Variants in SERPINA6 observed in about 807,000 individuals in gnomAD.
SERPINA6 encodes the protein corticosteroid-binding globulin.
In SERPINA6, 19 loss-of-function variants were observed where a neutral mutation model predicts 26.4. The observed-to-expected ratio is 0.72, with a 90% CI of 0.50 to 1.06. SERPINA6 has a LOEUF of 1.06. Ranked by LOEUF, SERPINA6 falls within the 50% of genes least tolerant of loss-of-function variation. The pLI is 0.00. For missense variants in SERPINA6, 473 were observed against 504.0 expected, an observed-to-expected ratio of 0.94 and a Z score of 0.59; for synonymous variants, 196 against 199.4, an observed-to-expected ratio of 0.98 and a Z score of 0.14.
intron 1 of SERPINA6, chr14:94,314,906 T>G (rs1306292509): frequency 6.8e-6 from 4 of 585,184 alleles, no homozygotes; most frequent in Non-Finnish European, 1.2e-5. Flanking sequence ...ATCTAGGTAG[T>G]CTGGCTATAT....
rs369290168 is a variant in SERPINA6 at position 94,306,070 on chromosome 14, C to T, written c.1032+1G>A. ...AAAAGGTGGGTTCCCATGACATTTA[C>T]CTTTGATGACTTCAGCTGGGCGTCC... On this transcript the variant is annotated splice_donor_variant, in intron 4 of 4. Transcript: ENST00000341584. LOFTEE classifies it high-confidence loss of function. 1.3e-5 allele frequency: 21 copies of T among 1,614,030 alleles called. No homozygotes were observed. In the African/African-American group the frequency reaches 2.8e-4, roughly 22 times the overall value.
Position 94,306,432 on chromosome 14 carries a change from GGCCTCTGAATT to G in SERPINA6, c.885-225_885-215del, listed in dbSNP as rs529039704. 1.5e-3 allele frequency among the ~76,000 whole-genome samples: 222 copies of G among 152,308 alleles called. 1 individual carries two copies. Among genetic ancestry groups the G allele is most frequent in the Non-Finnish European group, 2.4e-4 (16 of 68,028 alleles). The stretch of plus-strand genomic sequence containing the variant: ...CATGACACAGGCAGCTTTCCCACGG[GGCCTCTGAATT>G]GCACATTCTTTTCTTCTCTGCAATT... On this transcript the variant is annotated intron_variant, in intron 3 of 4. Coordinates refer to ENST00000341584, the MANE Select transcript of SERPINA6 (RefSeq NM_001756.4).
rs749558300 is a variant in SERPINA6, at chr14:94,306,063, A to C, written c.1032+8T>G. 6.2e-7 allele frequency: 1 copy of C among 1,614,192 alleles called. No homozygotes were observed. Among genetic ancestry groups the C allele is most frequent in the Non-Finnish European group, 8.5e-7 (1 of 1,180,030 alleles). On this transcript the variant is annotated splice_region_variant and intron_variant, in intron 4 of 4. Coordinates refer to ENST00000341584, the MANE Select transcript of SERPINA6 (RefSeq NM_001756.4). ...GGGGAAGAAAAGGTGGGTTCCCATG[A>C]CATTTACCTTTGATGACTTCAGCTG...
At chr14:94,316,940 C>T (rs1895622538) in intron 1 of SERPINA6, among the ~76,000 whole-genome samples, 1 of 152,162 alleles carries the variant, frequency 6.6e-6, no homozygotes, top group Non-Finnish European at 1.5e-5. Context: ...CCATTGGCTC[C>T]TCCGGTTGTC....
chr14:94,307,636 G>T (rs929557286), intron 3 of SERPINA6, among the ~76,000 whole-genome samples: 3 of 152,188 alleles, frequency 2.0e-5, no homozygotes, highest in Non-Finnish European at 4.4e-5. Context: ...GTTTTCTTTG[G>T]TGGGTAGAAA....
Position 94,304,537 on chromosome 14 carries a change from T to C in SERPINA6, c.1099A>G (p.Thr367Ala). The change falls in exon 5 of 5, where the codon ACC (threonine) becomes GCC (alanine). Residue 367 changes from threonine to alanine, a missense_variant. By Grantham distance (58) the Thr-to-Ala change is moderately conservative. Transcript: ENST00000341584. ...ATAGGCTTGGACGTCAGGTTTAGGG[T>C]GACCCCAGTGGAGCCAGCTGTGTCC... Reference protein sequence around the residue: ...GVDTAGSTGVTLNLTSKPIIL... With the variant: ...GVDTAGSTGVALNLTSKPIIL... 6.2e-7 allele frequency: 1 copy of C among 1,614,152 alleles called. No homozygotes were observed. Among genetic ancestry groups the C allele is most frequent in the Non-Finnish European group, 8.5e-7 (1 of 1,180,016 alleles).
At chr14:94,309,174 T>G (rs1895486756) in intron 3 of SERPINA6, among the ~76,000 whole-genome samples, 1 of 152,248 alleles carries the variant, frequency 6.6e-6, no homozygotes, top group African/African-American at 2.4e-5. Context: ...GCCCTTGCTT[T>G]CTTTCTACTT....
Position 94,304,299 on chromosome 14 carries a change from T to C in SERPINA6, c.*119A>G. On this transcript the variant is annotated 3_prime_UTR_variant, in exon 5 of 5. Transcript: ENST00000341584. ...AGATGCCTAAAGTTAGACACAACTC[T>C]GGTTGGAGGGAGAAGAACTTGGAGG... is the stretch of plus-strand genomic sequence containing the variant. 1 of 980,516 alleles carries C rather than the reference T, an allele frequency of 1.0e-6. No individual in the cohort carries two copies. Among genetic ancestry groups the C allele is most frequent in the Non-Finnish European group, 1.6e-6 (1 of 606,318 alleles). 60.7% of individuals were successfully genotyped at this position (980,516 alleles called of 1,614,324 possible).
chr14:94,309,922 A>T lies in SERPINA6; in HGVS notation c.698T>A (p.Met233Lys). ...VDETTVVKVP[M>K]MLQSSTISYL... ...ACTGATGGTGCTCGACTGCAACATCATGGGCACCTTCACCACAGTTGTCTC... is the reference window on the plus strand; with the variant it reads ...ACTGATGGTGCTCGACTGCAACATCTTGGGCACCTTCACCACAGTTGTCTC... Residue 233 changes from methionine to lysine, a missense_variant, in exon 3 of 5, where the codon ATG becomes AAG. Coordinates refer to ENST00000341584, the MANE Select transcript of SERPINA6 (RefSeq NM_001756.4). 1.2e-6 allele frequency: 2 copies of T among 1,614,190 alleles called. No homozygotes were observed. The highest frequency in any genetic ancestry group is 2.2e-5 in the South Asian group (2 of 91,084).
At chr14:94,322,339 T>G (rs1001369447) in intron 1 of SERPINA6, among the ~76,000 whole-genome samples, 2 of 152,056 alleles carry the variant, frequency 1.3e-5, no homozygotes, top group Non-Finnish European at 2.9e-5. Context: ...CGAAACCCAT[T>G]TCTACTAAAA....
rs28552400 is a variant in SERPINA6, at chr14:94,309,663, C to T, written c.884+73G>A. On this transcript the variant is annotated intron_variant, in intron 3 of 4. Coordinates refer to ENST00000341584, the MANE Select transcript of SERPINA6 (RefSeq NM_001756.4). ...AGGGAAGGAAGGATGCCCCAGCATA[C>T]TCCCTTTCCACGTGCCCCACTTTCT... The T allele has an allele frequency of 3.9e-4, 603 of 1,554,326 alleles. 3 individuals are homozygous for T. In the African/African-American group the frequency reaches 7.4e-3, roughly 19 times the overall value.
chr14:94,323,017 A>G (rs1367949578), intron 1 of SERPINA6, among the ~76,000 whole-genome samples: 4 of 152,224 alleles, frequency 2.6e-5, no homozygotes, highest in Non-Finnish European at 4.4e-5. Context: ...TCTTAGCTAC[A>G]GCCCTCTGTG....
At chr14:94,317,817 ACTT>A (rs1358951853) in intron 1 of SERPINA6, among the ~76,000 whole-genome samples, 1 of 152,246 alleles carries the variant, frequency 6.6e-6, no homozygotes, top group Non-Finnish European at 1.5e-5. Flanking sequence ...TGTTCTCACT[ACTT>A]TTACCTAATA....
chr14:94,321,507 G>A (rs1190458842), intron 1 of SERPINA6, among the ~76,000 whole-genome samples: 2 of 152,178 alleles, frequency 1.3e-5, no homozygotes, highest in South Asian at 2.1e-4. Context: ...GTGGGGCAGG[G>A]CAGGGCATGT....
At chr14:94,322,866 C>T (rs773855943) in intron 1 of SERPINA6, among the ~76,000 whole-genome samples, 3 of 152,126 alleles carry the variant, frequency 2.0e-5, no homozygotes, top group Non-Finnish European at 4.4e-5. Context: ...GGCCCTGACC[C>T]GCGGCCAGCA....
chr14:94,304,676 C>A (rs1257631860), intron 4 of SERPINA6, 73 bp from the exon 5 acceptor site: 2 of 1,289,804 alleles, frequency 1.6e-6, no homozygotes, highest in Middle Eastern at 2.3e-4. Flanking sequence ...ATTGCTGGGA[C>A]CCTTCACATC....
intron 1 of SERPINA6, among the ~76,000 whole-genome samples, chr14:94,320,841 C>T (rs1261488854): frequency 6.6e-6 from 1 of 152,202 alleles, no homozygotes; most frequent in Non-Finnish European, 1.5e-5. Flanking sequence ...CCCTAGTTCT[C>T]TGCTTTAGAT....
chr14:94,307,251 C>A (rs1240796752), intron 3 of SERPINA6, among the ~76,000 whole-genome samples: 2 of 152,288 alleles, frequency 1.3e-5, no homozygotes, highest in Non-Finnish European at 2.9e-5. Context: ...TGTGCACACA[C>A]ACACATACGC....
rs767174033 is a variant in SERPINA6 at position 94,314,537 on chromosome 14, C to A, written c.112G>T (p.Gly38Cys). The change falls in exon 2 of 5, where the codon GGC becomes TGC. Residue 38 changes from glycine to cysteine, a missense_variant. Gly to Cys is a radical substitution (Grantham distance 159, BLOSUM62 -3). Transcript: ENST00000341584. ...AYVNMSNHHRGLASANVDFAF... is the reference protein window; with the variant it reads ...AYVNMSNHHRCLASANVDFAF... ...AAGTCAACGTTGGCTGAAGCCAGGC[C>A]CCGGTGATGGTTACTCATGTTCACA... The A allele has an allele frequency of 2.5e-6, 4 of 1,614,062 alleles. No individual in the cohort carries two copies. The highest frequency in any genetic ancestry group is 3.4e-6 in the Non-Finnish European group (4 of 1,180,048).
Sources: allele counts gnomAD v4.1 joint callset (sites outside exome capture counted in the v4.1 genomes callset), GRCh38; gene constraint gnomAD v4.1.1; transcripts MANE v1.5; gene names NCBI Gene and HGNC (gene_info 2026-07-23, HGNC 2026-07-21).